VWC2: variants seen among roughly 807,000 people sequenced by gnomAD.
VWC2 encodes the protein von Willebrand factor C domain containing 2.
Under a neutral mutation model 29.8 loss-of-function variants are expected in VWC2, and 14 were observed. The observed-to-expected ratio is 0.47, with a 90% CI of 0.31 to 0.74. The LOEUF is 0.74. Ranked by LOEUF, VWC2 falls within the 30% of genes least tolerant of loss-of-function variation. The pLI is 0.05. For missense variants in VWC2, 457 were observed against 459.8 expected (o/e 0.99, Z 0.05); for synonymous variants, 213 against 199.0 (o/e 1.07, Z -0.59).
intron 3 of VWC2, among the ~76,000 whole-genome samples, chr7:49,888,784 G>A (rs1283569330): frequency 2.0e-5 from 3 of 152,094 alleles, no homozygotes; most frequent in African/African-American, 2.4e-5. Context: ...GGTGGCAGGC[G>A]CCTGTAATCT....
chr7:49,824,472 G>T (rs1342279938), intron 3 of VWC2, among the ~76,000 whole-genome samples: 1 of 152,094 alleles, frequency 6.6e-6, no homozygotes, highest in African/African-American at 2.4e-5. Flanking sequence ...CTCTTCTCTA[G>T]AATTATTGTA....
intron 3 of VWC2, among the ~76,000 whole-genome samples, chr7:49,837,127 C>A (rs534658842): frequency 1.3e-5 from 2 of 152,284 alleles, no homozygotes; most frequent in South Asian, 2.1e-4. Context: ...TGACCCAGTT[C>A]TTTTCAAACA....
intron 3 of VWC2, among the ~76,000 whole-genome samples, chr7:49,875,987 C>G (rs1791399297): frequency 6.6e-6 from 1 of 152,144 alleles, no homozygotes; most frequent in South Asian, 2.1e-4. Context: ...TGCTGGCACA[C>G]TTATTCTGTA....
intron 2 of VWC2, among the ~76,000 whole-genome samples, chr7:49,784,824 C>T (rs1184730461): frequency 6.6e-6 from 1 of 152,134 alleles, no homozygotes; most frequent in Non-Finnish European, 1.5e-5. Flanking sequence ...TGAATGCACC[C>T]TTCACCCAGG....
intron 3 of VWC2, among the ~76,000 whole-genome samples, chr7:49,817,949 C>A (rs1789183866): frequency 6.6e-6 from 1 of 152,180 alleles, no homozygotes; most frequent in Non-Finnish European, 1.5e-5. Context: ...TGAATTTTAG[C>A]CTATGCTATA....
At chr7:49,812,088 G>A (rs773323298) in intron 3 of VWC2, among the ~76,000 whole-genome samples, 1 of 152,150 alleles carries the variant, frequency 6.6e-6, no homozygotes, top group Non-Finnish European at 1.5e-5. Flanking sequence ...CTATTTCTTT[G>A]AAATATTTTG....
At chr7:49,776,341 T>A (rs958816876) in intron 2 of VWC2, among the ~76,000 whole-genome samples, 1 of 152,204 alleles carries the variant, frequency 6.6e-6, no homozygotes, top group Non-Finnish European at 1.5e-5. Context: ...AGGGATTCCT[T>A]CGGTGTTCAC....
chr7:49,794,922 G>A (rs183086559), intron 2 of VWC2, among the ~76,000 whole-genome samples: 1 of 152,264 alleles, frequency 6.6e-6, no homozygotes, highest in East Asian at 1.9e-4. Flanking sequence ...TGACATCACT[G>A]CCTTTAAAAC....
chr7:49,854,870 T>C (rs1021569290), intron 3 of VWC2, among the ~76,000 whole-genome samples: 3 of 152,238 alleles, frequency 2.0e-5, no homozygotes, highest in African/African-American at 7.2e-5. Flanking sequence ...TTATCAACCA[T>C]ATTTTTAGAT....
intron 2 of VWC2, among the ~76,000 whole-genome samples, chr7:49,784,135 GGGGTACTGTGTAATT>G (rs1788243420): frequency 6.6e-6 from 1 of 152,122 alleles, no homozygotes; most frequent in Non-Finnish European, 1.5e-5. Flanking sequence ...ATAAATTGAT[GGGGTACTGTGTAATT>G]TTATTACATG....
intron 3 of VWC2, among the ~76,000 whole-genome samples, chr7:49,862,472 G>A (rs1790692591): frequency 6.6e-6 from 1 of 151,990 alleles, no homozygotes. Flanking sequence ...TCTTTGCCTA[G>A]TTGTTCTGGC....
At chr7:49,850,523 G>GGA (rs1484734198) in intron 3 of VWC2, 1 of 152,218 alleles carries the variant, frequency 6.6e-6, no homozygotes, top group Non-Finnish European at 1.5e-5. Context: ...TCCTGAAAGA[G>GGA]GAGAGGAGCA....
chr7:49,775,287 C>G, intron 1 of VWC2, 46 bp from the exon 2 acceptor site: 20 of 391,094 alleles, frequency 5.1e-5, no homozygotes, highest in East Asian at 1.6e-4. Context: ...CGGGCCGGGG[C>G]GCGCGCGGGC....
At chr7:49,866,286 T>A (rs1190752493) in intron 3 of VWC2, among the ~76,000 whole-genome samples, 1 of 152,214 alleles carries the variant, frequency 6.6e-6, no homozygotes, top group African/African-American at 2.4e-5. Flanking sequence ...CTGTGCCAGG[T>A]GTCTTGCTAT....
intron 2 of VWC2, among the ~76,000 whole-genome samples, chr7:49,788,110 G>T (rs541949380): frequency 1.3e-5 from 2 of 152,214 alleles, no homozygotes; most frequent in Non-Finnish European, 2.9e-5. Flanking sequence ...TTAGCTTCAA[G>T]AAGAGATTCA....
chr7:49,816,486 G>GCTCCA (rs1158692852), intron 3 of VWC2, among the ~76,000 whole-genome samples: 1 of 152,156 alleles, frequency 6.6e-6, no homozygotes, highest in African/African-American at 2.4e-5. Flanking sequence ...TAAGAATGGG[G>GCTCCA]CTCCACTTCT....
chr7:49,873,873 C>A, intron 3 of VWC2, among the ~76,000 whole-genome samples: 1 of 146,952 alleles, frequency 6.8e-6, no homozygotes, highest in Non-Finnish European at 1.5e-5. Context: ...ATATTTATGC[C>A]AACATGGAGA....
intron 3 of VWC2, among the ~76,000 whole-genome samples, chr7:49,902,790 A>T (rs1226009089): frequency 6.6e-6 from 1 of 152,124 alleles, no homozygotes; most frequent in Non-Finnish European, 1.5e-5. Context: ...TTTTTGAAAT[A>T]TAAATTTTTT....
intron 3 of VWC2, among the ~76,000 whole-genome samples, chr7:49,845,296 A>G (rs1789909404): frequency 6.6e-6 from 1 of 152,156 alleles, no homozygotes; most frequent in Admixed American, 6.5e-5. Flanking sequence ...GTCGAAGGAA[A>G]AAAAAAAGGT....
Sources: gnomAD v4.1 joint callset for allele counts (sites outside exome capture counted in the v4.1 genomes callset) on GRCh38, gnomAD v4.1.1 for gene constraint, MANE v1.5 for transcripts, NCBI Gene and HGNC (gene_info 2026-07-23, HGNC 2026-07-21) for gene names.